Variants in SREBF1 observed in about 807,000 individuals in gnomAD.
The protein encoded by SREBF1 is sterol regulatory element-binding protein 1.
In SREBF1, 45 loss-of-function variants were observed where a neutral mutation model predicts 100.1. The observed-to-expected ratio is 0.45, with a 90% CI of 0.35 to 0.58. The LOEUF is 0.58. Ranked by LOEUF, SREBF1 falls within the 20% of genes least tolerant of loss-of-function variation. The pLI, the probability that SREBF1 is intolerant of heterozygous loss-of-function variation, is 0.00. For missense variants in SREBF1, 1,324 were observed against 1,539.4 expected (o/e 0.86, Z 2.34); for synonymous variants, 657 against 681.8 (o/e 0.96, Z 0.57).
At chr17:17,829,205 A>AAAAAAT (rs1210718799) in intron 1 of SREBF1, among the ~76,000 whole-genome samples, 4 of 65,838 alleles carry the variant, frequency 6.1e-5, no homozygotes, top group African/African-American at 3.5e-4. Flanking sequence ...AAAAAAAAAA[A>AAAAAAT]ATATATATAT....
intron 15 of SREBF1, 47 bp from the exon 16 acceptor site, chr17:17,814,457 C>T (rs1233930362): frequency 1.3e-6 from 2 of 1,546,754 alleles, no homozygotes; most frequent in Admixed American, 2.0e-5. Context: ...AGTCCACAAG[C>T]CCTGGCTGAG....
intron 11 of SREBF1, 72 bp downstream of exon 11, chr17:17,816,135 C>A: frequency 1.4e-6 from 2 of 1,458,326 alleles, no homozygotes; most frequent in Non-Finnish European, 9.4e-7. Context: ...TGCCACATCC[C>A]GTGTAGCTCT....
intron 1 of SREBF1, among the ~76,000 whole-genome samples, chr17:17,826,212 G>C (rs2034479629): frequency 6.6e-6 from 1 of 151,898 alleles, no homozygotes; most frequent in Non-Finnish European, 1.5e-5. Flanking sequence ...TTTAGAACTG[G>C]AAAGTCAGGT....
chr17:17,812,223 GGA>G lies in SREBF1; in HGVS notation c.*397_*398del, dbSNP rs958272112. The G allele has an allele frequency of 1.0e-5, 4 of 397,184 alleles. No individual in the cohort carries two copies. The highest frequency in any genetic ancestry group is 6.8e-5 in the East Asian group (1 of 14,706). 24.6% of individuals were successfully genotyped at this position (397,184 alleles called of 1,614,324 possible). On this transcript the variant is annotated 3_prime_UTR_variant, in exon 19 of 19. Transcript: ENST00000261646. ...TATGTACACGTCTCTCTCCCACGAC[GGA>G]GAGAGAGGCCTCTGGGGCAGAGCCC...
chr17:17,831,489 C>G (rs997045394), intron 1 of SREBF1, among the ~76,000 whole-genome samples: 1 of 152,046 alleles, frequency 6.6e-6, no homozygotes, highest in African/African-American at 2.4e-5. Flanking sequence ...ATCTGGGGTC[C>G]GACAGACAAA....
At position 17,811,881 on chromosome 17, in the gene SREBF1, G is replaced by A. The variant is rs561868649; in HGVS notation, c.*741C>T. Reference sequence around the variant, plus strand: ...CAACCATGTGCCCTGGGAGCAGGGGGAACAGGTAGGCTGGAGGCCATACAG... The same window carrying A: ...CAACCATGTGCCCTGGGAGCAGGGGAAACAGGTAGGCTGGAGGCCATACAG... On this transcript the variant is annotated 3_prime_UTR_variant, in exon 19 of 19. Coordinates refer to ENST00000261646, the MANE Select transcript of SREBF1 (RefSeq NM_004176.5). 102 of 435,228 alleles carry A rather than the reference G, an allele frequency of 2.3e-4. 3 individuals are homozygous for A. In the Middle Eastern group the frequency reaches 0.021, roughly 90 times the overall value. The allele number at this position is 435,228 out of a possible 1,614,324, so 27.0% of individuals were successfully genotyped here. A position where few individuals can be genotyped will look rare whatever the true frequency, so the allele number is the denominator to read the frequency against.
Position 17,823,586 on chromosome 17 carries a change from C to T in SREBF1, c.92-3065G>A, listed in dbSNP as rs1265330701. ...TGGGGCGTCCAGGCCGTTGGCCCTA[C>T]CCCTCCCCGCGCCGACTTCACCTGT... On this transcript the variant is annotated intron_variant, in intron 1 of 18. Transcript: ENST00000261646. 3.7e-6 allele frequency: 6 copies of T among 1,612,780 alleles called. No homozygotes were observed. In the African/African-American group the frequency reaches 6.7e-5, roughly 18 times the overall value.
At chr17:17,814,529 G>T in intron 15 of SREBF1, 86 bp downstream of exon 15, 1 of 1,535,634 alleles carries the variant, frequency 6.5e-7, no homozygotes, top group South Asian at 1.2e-5. Context: ...CTCCTGCACA[G>T]AACAAAGGCT....
intron 1 of SREBF1, among the ~76,000 whole-genome samples, chr17:17,821,364 C>A (rs560896575): frequency 3.9e-5 from 6 of 152,054 alleles, no homozygotes; most frequent in African/African-American, 1.4e-4. Flanking sequence ...ATGTGTGAAA[C>A]GGGGGGCACG....
rs116014387 is a variant in SREBF1, at chr17:17,819,331, C to A, written c.835G>T (p.Gly279Trp). The A allele has an allele frequency of 1.2e-6, 2 of 1,613,718 alleles. No individual in the cohort carries two copies. Among genetic ancestry groups the A allele is most frequent in the Non-Finnish European group, 1.7e-6 (2 of 1,180,058 alleles). ...CCCACGTCACCCACCGGCAAAGGCCCTGTCTGCACAGTGGTGCCAGAGACC... is the reference window on the plus strand; with the variant it reads ...CCCACGTCACCCACCGGCAAAGGCCATGTCTGCACAGTGGTGCCAGAGACC... ...PLVSGTTVQT[G>W]PLPTLVSGGT... The change falls in exon 4 of 19, where the codon GGG becomes TGG. Residue 279 changes from glycine to tryptophan, a missense_variant. By Grantham distance (184) the Gly-to-Trp change is radical. Transcript: ENST00000261646.
chr17:17,815,421 C>A (rs772073003), intron 12 of SREBF1, 92 bp from the exon 13 acceptor site: 1 of 1,036,634 alleles, frequency 9.6e-7, no homozygotes, highest in South Asian at 1.4e-5. Context: ...TGGGGCCACA[C>A]CTAGGGCCAC....
In SREBF1 at chr17:17,812,703, C is replaced by A; in HGVS notation, c.3363G>T (p.Lys1121Asn). ...CGTGCAGCAGCCGGCGATCGCCAAGCTTCTCGAGTGTGCGCGCCGCCTCAG... is the reference window on the plus strand; with the variant it reads ...CGTGCAGCAGCCGGCGATCGCCAAGATTCTCGAGTGTGCGCGCCGCCTCAG... Reference protein sequence around the residue: ...MLAEAARTLEKLGDRRLLHDC... With the variant: ...MLAEAARTLENLGDRRLLHDC... Residue 1121 changes from lysine (K) to asparagine (N), a missense_variant, in exon 19 of 19, where the codon AAG becomes AAT. By Grantham distance (94) the Lys-to-Asn change is moderately conservative. Transcript: ENST00000261646. The A allele has an allele frequency of 6.2e-7, 1 of 1,603,060 alleles. No individual in the cohort carries two copies. Among genetic ancestry groups the A allele is most frequent in the East Asian group, 2.2e-5 (1 of 44,494 alleles).
At chr17:17,818,858 A>T in intron 5 of SREBF1, 155 bp downstream of exon 5, 1 of 838,176 alleles carries the variant, frequency 1.2e-6, no homozygotes, top group Non-Finnish European at 2.0e-6. Context: ...AAACCAGTTT[A>T]ACTAAATAAA....
Position 17,834,569 on chromosome 17 carries a change from G to T in SREBF1, c.91+2158C>A, listed in dbSNP as rs138410530. 2.5e-4 allele frequency among the ~76,000 whole-genome samples: 38 copies of T among 152,340 alleles called. 1 individual carries two copies. The East Asian group carries it at 6.2e-3, about 25-fold the overall frequency. ...AAGGGGCTGCCCCCAGTCTTCAAGG[G>T]GCTGGGACTGCCCCCACTCTCTCAT... On this transcript the variant is annotated intron_variant, in intron 1 of 18. Coordinates refer to ENST00000261646, the MANE Select transcript of SREBF1 (RefSeq NM_004176.5).
chr17:17,823,675 C>G (rs1598130589), intron 1 of SREBF1: 2 of 1,194,196 alleles, frequency 1.7e-6, no homozygotes, highest in African/African-American at 3.2e-5. Context: ...CCCGCCCCGC[C>G]CCCAGCCCCG....
chr17:17,817,980 A>G lies in SREBF1; in HGVS notation c.1184-64T>C. On this transcript the variant is annotated intron_variant, in intron 6 of 18. Transcript: ENST00000261646. The surrounding 1 kb of genome is among the most constrained non-coding windows in gnomAD (Gnocchi z 6.6). Reference sequence around the variant, plus strand: ...GATATGTGACCCCAAATCAGAGCCTAGGCCCTTGGAGGCCTAGGGACTACT... The same window carrying G: ...GATATGTGACCCCAAATCAGAGCCTGGGCCCTTGGAGGCCTAGGGACTACT... 6.7e-7 allele frequency: 1 copy of G among 1,496,026 alleles called. No individual in the cohort carries two copies. Among genetic ancestry groups the G allele is most frequent in the Non-Finnish European group, 9.2e-7 (1 of 1,086,268 alleles). The allele number at this position is 1,496,026 out of a possible 1,614,324, so 92.7% of individuals were successfully genotyped here. A position where few individuals can be genotyped will look rare whatever the true frequency, so the allele number is the denominator to read the frequency against.
In SREBF1 at chr17:17,811,375, T is replaced by TAA. The variant is rs780654029; in HGVS notation, c.*1245_*1246dup. 8.8e-6 allele frequency: 2 copies of TAA among 228,270 alleles called. No individual in the cohort carries two copies. Among genetic ancestry groups the TAA allele is most frequent in the East Asian group, 1.6e-4 (1 of 6,380 alleles). 14.1% of individuals were successfully genotyped at this position (228,270 alleles called of 1,614,324 possible). ...GTTTCTAAAAGATGTTTATTTTCCT[T>TAA]AAGAGTAAAAAACAGTCATTGCATT... On this transcript the variant is annotated 3_prime_UTR_variant, in exon 19 of 19. Coordinates refer to ENST00000261646, the MANE Select transcript of SREBF1 (RefSeq NM_004176.5).
At chr17:17,832,862 A>T (rs1187589383) in intron 1 of SREBF1, among the ~76,000 whole-genome samples, 1 of 151,870 alleles carries the variant, frequency 6.6e-6, no homozygotes. Context: ...CGGAGTTTGC[A>T]GTGAGCCGAG....
rs1446924542 is a variant in SREBF1, at chr17:17,814,815, G to A, written c.2602+20C>T. 1 of 1,604,444 alleles carries A rather than the reference G, an allele frequency of 6.2e-7. No individual in the cohort carries two copies. ...ACGGGGGAGCTGAGAAGGGAGCCAGGACAGGGGCCGGGGACTCACCGGTGG... is the reference window on the plus strand; with the variant it reads ...ACGGGGGAGCTGAGAAGGGAGCCAGAACAGGGGCCGGGGACTCACCGGTGG... On this transcript the variant is annotated intron_variant, in intron 14 of 18. Transcript: ENST00000261646.
Sources: gnomAD v4.1 joint callset for allele counts (sites outside exome capture counted in the v4.1 genomes callset) on GRCh38, gnomAD v4.1.1 for gene constraint, Gnocchi (gnomAD v3.1) non-coding constraint, MANE v1.5 for transcripts, NCBI Gene and HGNC (gene_info 2026-07-23, HGNC 2026-07-21) for gene names.